The following HSF4 variants were observed in gnomAD, a reference collection of about 807,000 sequenced individuals.
HSF4 encodes the protein heat shock transcription factor 4, also known as heat shock factor protein 4.
HSF4 carries 41 observed loss-of-function variants against 52.0 expected under a neutral mutation model. That is an observed-to-expected ratio of 0.79 (90% CI 0.61 to 1.02). The LOEUF is 1.02. Ranked by LOEUF, HSF4 falls within the 50% of genes least tolerant of loss-of-function variation. The pLI is 0.00. For synonymous variants in HSF4, 285 were observed against 273.0 expected (o/e 1.04, Z -0.43); for missense variants, 610 against 651.1 (o/e 0.94, Z 0.69).
chr16:67,167,801 C>G lies in HSF4; in HGVS notation c.936C>G (p.Asn312Lys), dbSNP rs775560032. 6.3e-7 allele frequency: 1 copy of G among 1,597,686 alleles called. No individual in the cohort carries two copies. Among genetic ancestry groups the G allele is most frequent in the Admixed American group, 1.7e-5 (1 of 57,362 alleles). ...AGGCCGGGCTGGCCCTGGCCCCAAACGAGTGTGACTTCTGCGTGACAGCCC... is the reference window on the plus strand; with the variant it reads ...AGGCCGGGCTGGCCCTGGCCCCAAAGGAGTGTGACTTCTGCGTGACAGCCC... ...DGEAGLALAP[N>K]ECDFCVTAPP... The change falls in exon 9 of 13, where the codon AAC (asparagine) becomes AAG (lysine). Residue 312 changes from asparagine (N) to lysine (K), a missense_variant. Transcript: ENST00000521374.
upstream of HSF4, chr16:67,164,389 A>C (rs2145916406): frequency 4.8e-6 from 2 of 412,586 alleles, no homozygotes; most frequent in South Asian, 1.8e-5. Context: ...CCCCCTTCCT[A>C]TCTGCTTGCC....
Position 67,164,949 on chromosome 16 carries a change from C to T in HSF4, c.123+15C>T, listed in dbSNP as rs1002846574. ...GCTGGAGCCCGGTGAGGGCCGGGGCCCCTCGATTCCCCCTGTGGTCCCGGG... is the reference window on the plus strand; with the variant it reads ...GCTGGAGCCCGGTGAGGGCCGGGGCTCCTCGATTCCCCCTGTGGTCCCGGG... On this transcript the variant is annotated intron_variant, in intron 1 of 12. Transcript: ENST00000521374. 1.3e-6 allele frequency: 2 copies of T among 1,591,520 alleles called. No homozygotes were observed. The highest frequency in any genetic ancestry group is 1.7e-6 in the Non-Finnish European group (2 of 1,172,748).
chr16:67,167,091 C>G, intron 6 of HSF4, 29 bp from the exon 7 acceptor site: 1 of 1,613,988 alleles, frequency 6.2e-7, no homozygotes, highest in Non-Finnish European at 8.5e-7. Context: ...CCTGCCCCAC[C>G]CCTGCCTGTG....
At position 67,169,194 on chromosome 16, in the gene HSF4, TAGA is replaced by T. The variant is rs1400893008; in HGVS notation, c.1255-80_1255-78del. ...TCTCTGTGAGCCAAAGCCGTGTCTCTAGAAGAATTGTCACAGTGATTTCCCAGC... is the reference window on the plus strand; with the variant it reads ...TCTCTGTGAGCCAAAGCCGTGTCTCTAGAATTGTCACAGTGATTTCCCAGC... On this transcript the variant is annotated intron_variant, in intron 11 of 12. Coordinates refer to ENST00000521374, the MANE Select transcript of HSF4 (RefSeq NM_001374675.1). This position sits in a 1 kb window ranked among gnomAD's most constrained non-coding sequence, Gnocchi z 4.3. 5 of 1,607,116 alleles carry T rather than the reference TAGA, an allele frequency of 3.1e-6. No individual in the cohort carries two copies. The highest frequency in any genetic ancestry group is 4.2e-6 in the Non-Finnish European group (5 of 1,176,944).
Position 67,169,036 on chromosome 16 carries a change from G to A in HSF4, c.1189G>A (p.Val397Met), listed in dbSNP as rs775813215. ...ESVEPAGPLD[V>M]LGPSLQGREW... Reference sequence around the variant, plus strand: ...ACCACTGACCCAGAGCTCTCCTCAGGTGCTGGGCCCCAGTCTCCAAGGGCG... The same window carrying A: ...ACCACTGACCCAGAGCTCTCCTCAGATGCTGGGCCCCAGTCTCCAAGGGCG... Residue 397 changes from valine (V) to methionine (M), a missense_variant and splice_region_variant, in exon 11 of 13, where the codon GTG becomes ATG. By Grantham distance (21) the Val-to-Met change is conservative. Transcript: ENST00000521374. The surrounding 1 kb of genome is among the most constrained non-coding windows in gnomAD (Gnocchi z 4.3). 4 of 1,614,018 alleles carry A rather than the reference G, an allele frequency of 2.5e-6. No homozygotes were observed. The highest frequency in any genetic ancestry group is 4.5e-5 in the East Asian group (2 of 44,888).
Position 67,169,660 on chromosome 16 carries a change from C to T in HSF4, c.1354C>T (p.Leu452=). The T allele has an allele frequency of 6.2e-7, 1 of 1,611,240 alleles. No individual in the cohort carries two copies. Among genetic ancestry groups the T allele is most frequent in the Non-Finnish European group, 8.5e-7 (1 of 1,179,994 alleles). The change falls in exon 13 of 13, where the codon CTG becomes TTG. Residue 452 remains leucine, a synonymous_variant. Coordinates refer to ENST00000521374, the MANE Select transcript of HSF4 (RefSeq NM_001374675.1). This position sits in a 1 kb window ranked among gnomAD's most constrained non-coding sequence, Gnocchi z 4.3. The stretch of plus-strand genomic sequence containing the variant: ...GGACCCCACGCTCGGGGCCCCACTC[C>T]TGCTGGATGTCCAGGCGGCCTTGGG... ...GKDPTLGAPL[L]LDVQAALGGP... is the part of the protein sequence containing the mutation.
chr16:67,165,625 A>T lies in HSF4; in HGVS notation c.227A>T (p.Asn76Ile). 6.2e-7 allele frequency: 1 copy of T among 1,612,368 alleles called. No individual in the cohort carries two copies. Among genetic ancestry groups the T allele is most frequent in the Non-Finnish European group, 8.5e-7 (1 of 1,179,426 alleles). ...SNMASFVRQL[N>I]MYGFRKVVSI... The stretch of plus-strand genomic sequence containing the variant: ...ATGGCGAGCTTCGTGCGCCAACTCA[A>T]CATGTGTGAGTCCCTACGGCCGGGC... The change falls in exon 2 of 13, where the codon AAC becomes ATC. Residue 76 changes from asparagine to isoleucine, a missense_variant. By Grantham distance (149) the Asn-to-Ile change is moderately radical. Coordinates refer to ENST00000521374, the MANE Select transcript of HSF4 (RefSeq NM_001374675.1). This position sits in a 1 kb window ranked among gnomAD's most constrained non-coding sequence, Gnocchi z 6.9.
In HSF4 at chr16:67,169,631, G is replaced by A. The variant is rs940209535; in HGVS notation, c.1325G>A (p.Gly442Glu). 8 of 1,606,932 alleles carry A rather than the reference G, an allele frequency of 5.0e-6. No individual in the cohort carries two copies. In the Admixed American group the frequency reaches 5.0e-5, roughly 10 times the overall value. ...GTGAGCGCAGTCCCACTTCTCCTAG[G>A]GAAGGACCCCACGCTCGGGGCCCCA... is the stretch of plus-strand genomic sequence containing the variant. ...AVKGLNSPSP[G>E]KDPTLGAPLL... Residue 442 changes from glycine (G) to glutamate (E), a missense_variant and splice_region_variant, in exon 13 of 13, where the codon GGG becomes GAG. Gly to Glu is a moderately conservative substitution (Grantham distance 98). Transcript: ENST00000521374. The surrounding 1 kb of genome is among the most constrained non-coding windows in gnomAD (Gnocchi z 4.3).
In HSF4 at chr16:67,165,602, G is replaced by A; in HGVS notation, c.204G>A (p.Met68Ile). Residue 68 changes from methionine (M) to isoleucine (I), a missense_variant, in exon 2 of 13, where the codon ATG becomes ATA. Transcript: ENST00000521374. This position sits in a 1 kb window ranked among gnomAD's most constrained non-coding sequence, Gnocchi z 6.9. ...VLPQYFKHSN[M>I]ASFVRQLNMY... is the part of the protein sequence containing the mutation. ...CCCAGTATTTCAAGCATAGCAACAT[G>A]GCGAGCTTCGTGCGCCAACTCAACA... The A allele has an allele frequency of 6.2e-7, 1 of 1,613,204 alleles. No homozygotes were observed. Among genetic ancestry groups the A allele is most frequent in the South Asian group, 1.1e-5 (1 of 91,084 alleles).
Position 67,167,205 on chromosome 16 carries a change from C to T in HSF4, c.712C>T (p.Pro238Ser). The T allele has an allele frequency of 1.9e-6, 3 of 1,614,182 alleles. No homozygotes were observed. The highest frequency in any genetic ancestry group is 2.5e-6 in the Non-Finnish European group (3 of 1,180,022). The part of the protein sequence containing the change: ...CPLPGALLQD[P>S]YFIQSPLPET... ...TCTACCTGGTGCCCTTCTGCAGGACCCCTACTTCATCCAGTCGGTAGGTTT... is the reference window on the plus strand; with the variant it reads ...TCTACCTGGTGCCCTTCTGCAGGACTCCTACTTCATCCAGTCGGTAGGTTT... Residue 238 changes from proline to serine, a missense_variant, in exon 7 of 13, where the codon CCC (proline) becomes TCC (serine). By Grantham distance (74) the Pro-to-Ser change is moderately conservative. Coordinates refer to ENST00000521374, the MANE Select transcript of HSF4 (RefSeq NM_001374675.1).
rs1485072687 is a variant in HSF4 at position 67,167,406 on chromosome 16, G to A, written c.730-69G>A. ...TTCTCCCTTAGACCTGGCCCAGGTG[G>A]GTGTTGGTGGGGTTCTGGCTCTCCC... is the stretch of plus-strand genomic sequence containing the variant. On this transcript the variant is annotated intron_variant, in intron 7 of 12. Transcript: ENST00000521374. 7 of 1,613,088 alleles carry A rather than the reference G, an allele frequency of 4.3e-6. No individual in the cohort carries two copies. In the South Asian group the frequency reaches 7.7e-5, roughly 18 times the overall value.
Position 67,169,633 on chromosome 16 carries a change from A to G in HSF4, c.1327A>G (p.Lys443Glu). 1 of 1,607,202 alleles carries G rather than the reference A, an allele frequency of 6.2e-7. No homozygotes were observed. ...GAGCGCAGTCCCACTTCTCCTAGGGAAGGACCCCACGCTCGGGGCCCCACT... is the reference window on the plus strand; with the variant it reads ...GAGCGCAGTCCCACTTCTCCTAGGGGAGGACCCCACGCTCGGGGCCCCACT... Reference protein sequence around the residue: ...VKGLNSPSPGKDPTLGAPLLL... With the variant: ...VKGLNSPSPGEDPTLGAPLLL... Residue 443 changes from lysine (K) to glutamate (E), a missense_variant and splice_region_variant, in exon 13 of 13, where the codon AAG (lysine) becomes GAG (glutamate). Transcript: ENST00000521374. The surrounding 1 kb of genome is among the most constrained non-coding windows in gnomAD (Gnocchi z 4.3).
chr16:67,164,497 A>C (rs2031089562), upstream of HSF4: 2 of 585,218 alleles, frequency 3.4e-6, no homozygotes, highest in African/African-American at 3.7e-5. Context: ...AGAACAAAGA[A>C]GGAAATAGAG....
Position 67,169,367 on chromosome 16 carries a change from C to A in HSF4, c.1324+19C>A. ...AGCCCAGGTAATGGTTGTGATGACT[C>A]CTACCTGGGAGGACGCCGTGATTGG... On this transcript the variant is annotated intron_variant, in intron 12 of 12. Coordinates refer to ENST00000521374, the MANE Select transcript of HSF4 (RefSeq NM_001374675.1). The surrounding 1 kb of genome is among the most constrained non-coding windows in gnomAD (Gnocchi z 4.3). 6.2e-7 allele frequency: 1 copy of A among 1,609,606 alleles called. No homozygotes were observed. The highest frequency in any genetic ancestry group is 8.5e-7 in the Non-Finnish European group (1 of 1,178,058).
rs959275393 is a variant in HSF4, at chr16:67,169,517, T to G, written c.1325-114T>G. 1 of 1,592,140 alleles carries G rather than the reference T, an allele frequency of 6.3e-7. No individual in the cohort carries two copies. Among genetic ancestry groups the G allele is most frequent in the Non-Finnish European group, 8.5e-7 (1 of 1,175,536 alleles). ...TCACCATTGGGCGAGAGTGGGGAGG[T>G]TAAGAATGGATGTTTTATCCTAACT... On this transcript the variant is annotated intron_variant, in intron 12 of 12. Coordinates refer to ENST00000521374, the MANE Select transcript of HSF4 (RefSeq NM_001374675.1). This position sits in a 1 kb window ranked among gnomAD's most constrained non-coding sequence, Gnocchi z 4.3.
At chr16:67,167,053 G>C in intron 6 of HSF4, 67 bp from the exon 7 acceptor site, 1 of 1,610,714 alleles carries the variant, frequency 6.2e-7, no homozygotes, top group South Asian at 1.1e-5. Flanking sequence ...AGGGAGGGAA[G>C]TGCAGGCCGA....
At position 67,169,192 on chromosome 16, in the gene HSF4, T is replaced by A; in HGVS notation, c.1255-87T>A. 6.2e-7 allele frequency: 1 copy of A among 1,607,056 alleles called. No homozygotes were observed. On this transcript the variant is annotated intron_variant, in intron 11 of 12. Coordinates refer to ENST00000521374, the MANE Select transcript of HSF4 (RefSeq NM_001374675.1). This position sits in a 1 kb window ranked among gnomAD's most constrained non-coding sequence, Gnocchi z 4.3. ...GTTCTCTGTGAGCCAAAGCCGTGTC[T>A]CTAGAAGAATTGTCACAGTGATTTC...
Position 67,165,657 on chromosome 16 carries a change from C to T in HSF4, c.232+27C>T, listed in dbSNP as rs200354712. The T allele has an allele frequency of 2.0e-4, 319 of 1,612,122 alleles. 1 individual carries two copies. The African/African-American group carries it at 2.7e-3, about 13-fold the overall frequency. ...TGAGTCCCTACGGCCGGGCGGGGAG[C>T]GGGGATGGGGGACTCGGTGCCGGGG... is the stretch of plus-strand genomic sequence containing the variant. On this transcript the variant is annotated intron_variant, in intron 2 of 12. Transcript: ENST00000521374. This position sits in a 1 kb window ranked among gnomAD's most constrained non-coding sequence, Gnocchi z 6.9.
chr16:67,164,670 C>T (rs991386223), upstream of HSF4: 3 of 1,011,872 alleles, frequency 3.0e-6, no homozygotes, highest in Admixed American at 2.7e-5. Context: ...AGCCCCGCCC[C>T]GCGGGCTTGC....
Sources: allele counts gnomAD v4.1 joint callset, GRCh38; gene constraint gnomAD v4.1.1; non-coding constraint Gnocchi (gnomAD v3.1); transcripts MANE v1.5; gene names NCBI Gene and HGNC (gene_info 2026-07-23, HGNC 2026-07-21).